Variants in USP38 observed in about 807,000 individuals in gnomAD.
The protein encoded by USP38 is ubiquitin specific peptidase 38.
Under a neutral mutation model 94.3 loss-of-function variants are expected in USP38, and 49 were observed. The observed-to-expected ratio is 0.52, with a 90% CI of 0.41 to 0.66. The LOEUF (loss-of-function observed/expected upper bound fraction) is 0.66, where lower values mean the gene tolerates loss of function less well. USP38 is among the 30% of genes least tolerant of loss of function. The pLI, the probability that USP38 is intolerant of heterozygous loss-of-function variation, is 0.00. For synonymous variants in USP38, 468 were observed against 463.6 expected, an observed-to-expected ratio of 1.01 and a Z score of -0.12; for missense variants, 1,128 against 1,229.4, an observed-to-expected ratio of 0.92 and a Z score of 1.23.
chr4:143,190,641 T>C (rs1731370022), intron 2 of USP38, among the ~76,000 whole-genome samples: 1 of 152,160 alleles, frequency 6.6e-6, no homozygotes, highest in South Asian at 2.1e-4. Flanking sequence ...TTCATTCCCT[T>C]TGATTAACAT....
chr4:143,220,234 G>A, intron 9 of USP38, 61 bp from the exon 10 acceptor site: 2 of 1,462,672 alleles, frequency 1.4e-6, no homozygotes, highest in South Asian at 1.3e-5. Context: ...ATTTCTATAG[G>A]TGATATAACG....
intron 1 of USP38, 94 bp from the exon 2 acceptor site, chr4:143,187,731 TG>T: frequency 7.4e-7 from 1 of 1,352,110 alleles, no homozygotes; most frequent in Non-Finnish European, 9.9e-7. Context: ...TTAACACCTT[TG>T]CTGCAATGAC....
rs1732372794 is a variant in USP38 at position 143,223,433 on chromosome 4, A to G, written c.*2977A>G. ...GCCTATTACATTAATGCACATGTGGAAAGAACAAAAATTTTCAAGCTAAGT... is the reference window on the plus strand; with the variant it reads ...GCCTATTACATTAATGCACATGTGGGAAGAACAAAAATTTTCAAGCTAAGT... On this transcript the variant is annotated 3_prime_UTR_variant, in exon 10 of 10. Transcript: ENST00000307017. The G allele has an allele frequency of 6.6e-6, 1 of 152,146 alleles. No homozygotes were observed. The highest frequency in any genetic ancestry group is 2.1e-4 in the South Asian group (1 of 4,834). 9.4% of individuals were successfully genotyped at this position (152,146 alleles called of 1,614,324 possible).
In USP38 at chr4:143,212,330, G is replaced by A. The variant is rs778540996; in HGVS notation, c.1510G>A (p.Ala504Thr). ...FLAHTQREAY[A>T]PRIFFEASRP... ...TTGCTCTCAAAAGAGGGAAGCATAC[G>A]CACCTCGGATATTCTTTGAGGCTTC... is the stretch of plus-strand genomic sequence containing the variant. Residue 504 changes from alanine (A) to threonine (T), a missense_variant, in exon 8 of 10, where the codon GCA becomes ACA. By Grantham distance (58) the Ala-to-Thr change is moderately conservative. Coordinates refer to ENST00000307017, the MANE Select transcript of USP38 (RefSeq NM_032557.6). The A allele has an allele frequency of 5.0e-6, 8 of 1,608,542 alleles. No individual in the cohort carries two copies. The African/African-American group carries it at 5.4e-5, about 11-fold the overall frequency.
intron 4 of USP38, 98 bp from the exon 5 acceptor site, chr4:143,203,310 A>G (rs1157523209): frequency 5.8e-6 from 7 of 1,197,248 alleles, no homozygotes; most frequent in Admixed American, 2.5e-5. Flanking sequence ...ACAGAAAAGT[A>G]TCTGCTGATC....
At chr4:143,195,686 AATG>A (rs1731524449) in intron 2 of USP38, 27 bp from the exon 3 acceptor site, 1 of 1,564,920 alleles carries the variant, frequency 6.4e-7, no homozygotes, top group Non-Finnish European at 8.7e-7. Flanking sequence ...TATTTTCAAT[AATG>A]ATTGTTTCAT....
intron 8 of USP38, among the ~76,000 whole-genome samples, chr4:143,213,318 G>A (rs1039376176): frequency 3.3e-5 from 5 of 152,116 alleles, no homozygotes; most frequent in African/African-American, 7.2e-5. Context: ...GTTAAGGGAC[G>A]TTTATAATTA....
At chr4:143,202,616 C>A (rs915241589) in intron 4 of USP38, among the ~76,000 whole-genome samples, 47 of 151,922 alleles carry the variant, frequency 3.1e-4, no homozygotes, top group African/African-American at 1.1e-3. Context: ...TTAATAACCT[C>A]CTAAAGATAT....
chr4:143,191,714 T>C (rs1022212370), intron 2 of USP38, among the ~76,000 whole-genome samples: 2 of 152,240 alleles, frequency 1.3e-5, no homozygotes, highest in Non-Finnish European at 2.9e-5. Flanking sequence ...TCCAAAGATA[T>C]ATGAGAGATT....
chr4:143,194,297 G>A (rs1402934063), intron 2 of USP38, among the ~76,000 whole-genome samples: 1 of 152,156 alleles, frequency 6.6e-6, no homozygotes, highest in African/African-American at 2.4e-5. Flanking sequence ...TATAAAATAA[G>A]CATGTTTATC....
At position 143,203,453 on chromosome 4, in the gene USP38, G is replaced by T; in HGVS notation, c.1096G>T (p.Gly366Cys). The T allele has an allele frequency of 1.2e-6, 2 of 1,612,606 alleles. No individual in the cohort carries two copies. The highest frequency in any genetic ancestry group is 1.7e-6 in the Non-Finnish European group (2 of 1,179,220). Residue 366 changes from glycine (G) to cysteine (C), a missense_variant, in exon 5 of 10, where the codon GGT (glycine) becomes TGT (cysteine). By Grantham distance (159) the Gly-to-Cys change is radical. Coordinates refer to ENST00000307017, the MANE Select transcript of USP38 (RefSeq NM_032557.6). ...TTTGGTTCATTCTTTCAAAAATGAT[G>T]GTCTGCCTTCAAGTACAGCCTTCTT... is the stretch of plus-strand genomic sequence containing the variant. ...VNLVHSFKND[G>C]LPSSTAFLVQ...
rs371168184 is a variant in USP38 at position 143,214,302 on chromosome 4, G to C, written c.2326G>C (p.Val776Leu). 1.7e-5 allele frequency: 28 copies of C among 1,612,758 alleles called. No individual in the cohort carries two copies. The highest frequency in any genetic ancestry group is 2.0e-5 in the Non-Finnish European group (24 of 1,179,636). ...LRFSYDQKYH[V>L]RRKILDNVSL... is the part of the protein sequence containing the mutation. ...ATTTTCATATGATCAGAAGTATCAT[G>C]TGAGAAGGAAAATTTTAGACAATGT... Residue 776 changes from valine (V) to leucine (L), a missense_variant, in exon 9 of 10, where the codon GTG becomes CTG. Transcript: ENST00000307017.
chr4:143,197,102 C>G (rs1057301454), intron 3 of USP38, among the ~76,000 whole-genome samples: 2 of 152,194 alleles, frequency 1.3e-5, no homozygotes, highest in African/African-American at 2.4e-5. Context: ...CCCACTGTTA[C>G]TGCCTCGGTC....
intron 2 of USP38, among the ~76,000 whole-genome samples, chr4:143,191,295 A>G (rs1300000405): frequency 6.6e-6 from 1 of 152,200 alleles, no homozygotes; most frequent in East Asian, 1.9e-4. Flanking sequence ...TAGGCCAGGT[A>G]TAAGTGAAAT....
chr4:143,203,979 CT>C lies in USP38; in HGVS notation c.1209+427del, dbSNP rs554930038. On this transcript the variant is annotated intron_variant, in intron 5 of 9. Transcript: ENST00000307017. ...ACTTTGATTTCTTCCCCTTTTTAAT[CT>C]TTTTTTTTTTTTTCTTCTTGAGACC... Among the ~76,000 whole-genome samples, 254 of 143,930 alleles carry C rather than the reference CT, an allele frequency of 1.8e-3. 1 individual carries two copies. The highest frequency in any genetic ancestry group is 4.2e-3 in the South Asian group (19 of 4,490). 94.4% of individuals were successfully genotyped at this position (143,930 alleles called of 152,430 possible). A position where few individuals can be genotyped will look rare whatever the true frequency, so the allele number is the denominator to read the frequency against.
At chr4:143,202,468 A>G (rs1245261376) in intron 4 of USP38, among the ~76,000 whole-genome samples, 1 of 152,144 alleles carries the variant, frequency 6.6e-6, no homozygotes, top group Non-Finnish European at 1.5e-5. Flanking sequence ...AAAATGTTCT[A>G]CAAATAGAAC....
chr4:143,201,954 T>C (rs1264484656), intron 4 of USP38, among the ~76,000 whole-genome samples: 1 of 152,184 alleles, frequency 6.6e-6, no homozygotes, highest in Non-Finnish European at 1.5e-5. Flanking sequence ...ATTTGAGATA[T>C]AGTAATAGAC....
Position 143,185,393 on chromosome 4 carries a change from TCGGGGCTGCCGCCACC to T in USP38, c.-55_-40del, listed in dbSNP as rs2149602164. 1 of 1,514,516 alleles carries T rather than the reference TCGGGGCTGCCGCCACC, an allele frequency of 6.6e-7. No homozygotes were observed. Among genetic ancestry groups the T allele is most frequent in the Non-Finnish European group, 8.8e-7 (1 of 1,132,020 alleles). The allele number at this position is 1,514,516 out of a possible 1,614,324, so 93.8% of individuals were successfully genotyped here. A position where few individuals can be genotyped will look rare whatever the true frequency, so the allele number is the denominator to read the frequency against. On this transcript the variant is annotated 5_prime_UTR_variant, in exon 1 of 10. Coordinates refer to ENST00000307017, the MANE Select transcript of USP38 (RefSeq NM_032557.6). ...CGCCCCGGGGCTCTCCTGCCCCACC[TCGGGGCTGCCGCCACC>T]CGCTCCTTATCCCCTGGCCCTGGCC... is the stretch of plus-strand genomic sequence containing the variant.
chr4:143,222,340 T>G lies in USP38; in HGVS notation c.*1884T>G, dbSNP rs1034805711. Reference sequence around the variant, plus strand: ...TTGGTTCCAGAACACCATCCCCCAATATTAAAATCCACAGATACTCAAGTC... The same window carrying G: ...TTGGTTCCAGAACACCATCCCCCAAGATTAAAATCCACAGATACTCAAGTC... On this transcript the variant is annotated 3_prime_UTR_variant, in exon 10 of 10. Transcript: ENST00000307017. The G allele has an allele frequency of 6.6e-6, 1 of 152,010 alleles. No homozygotes were observed. Among genetic ancestry groups the G allele is most frequent in the African/African-American group, 2.4e-5 (1 of 41,434 alleles). 9.4% of individuals were successfully genotyped at this position (152,010 alleles called of 1,614,324 possible). A position where few individuals can be genotyped will look rare whatever the true frequency, so the allele number is the denominator to read the frequency against.
Sources: gnomAD v4.1 joint callset for allele counts (sites outside exome capture counted in the v4.1 genomes callset) on GRCh38, gnomAD v4.1.1 for gene constraint, MANE v1.5 for transcripts, NCBI Gene and HGNC (gene_info 2026-07-23, HGNC 2026-07-21) for gene names.